The following LNPK variants were observed in gnomAD, a reference collection of about 807,000 sequenced individuals.
LNPK encodes the protein lunapark, ER junction formation factor, also known as endoplasmic reticulum junction formation protein lunapark.
Under a neutral mutation model 55.2 loss-of-function variants are expected in LNPK, and 29 were observed. The ratio of observed to expected loss-of-function variants is 0.53; its 90% CI spans 0.39 to 0.72. The LOEUF (loss-of-function observed/expected upper bound fraction) is 0.72. LNPK is among the 30% of genes least tolerant of loss of function. The probability of loss-of-function intolerance (pLI) is 0.00; values close to 1 mark genes in which losing one functional copy is unlikely to be tolerated. For missense variants in LNPK, 467 were observed against 494.8 expected, an observed-to-expected ratio of 0.94 and a Z score of 0.53; for synonymous variants, 162 against 168.2, an observed-to-expected ratio of 0.96 and a Z score of 0.29.
At chr2:175,987,514 G>C (rs1687482673) in intron 4 of LNPK, among the ~76,000 whole-genome samples, 1 of 152,020 alleles carries the variant, frequency 6.6e-6, no homozygotes, top group Admixed American at 6.6e-5. Flanking sequence ...CACACACCAG[G>C]GCCTGTTGTG....
rs899877025 is a variant in LNPK at position 175,979,175 on chromosome 2, T to C, written c.316+635A>G. On this transcript the variant is annotated intron_variant, in intron 5 of 12. Transcript: ENST00000272748. ...AAAATAATATACGGGGTGAAAAAAA[T>C]GGGTTGAGGTAAAAATGAAACAAGA... Among the ~76,000 whole-genome samples, 11 of 151,582 alleles carry C rather than the reference T, an allele frequency of 7.3e-5. No homozygotes were observed. The South Asian group carries it at 8.3e-4, about 11-fold the overall frequency.
intron 8 of LNPK, among the ~76,000 whole-genome samples, chr2:175,960,213 T>G (rs576392233): frequency 6.6e-6 from 1 of 152,276 alleles, no homozygotes; most frequent in African/African-American, 2.4e-5. Flanking sequence ...GCTGCCTTAA[T>G]AGGGATCTAC....
chr2:175,998,018 T>C (rs933389257), intron 1 of LNPK, among the ~76,000 whole-genome samples: 7 of 152,066 alleles, frequency 4.6e-5, no homozygotes, highest in South Asian at 2.1e-4. Context: ...CTGGGGATTA[T>C]AGGCATGAGG....
intron 9 of LNPK, among the ~76,000 whole-genome samples, chr2:175,942,006 T>A (rs1254978191): frequency 6.6e-6 from 1 of 152,032 alleles, no homozygotes; most frequent in Non-Finnish European, 1.5e-5. Flanking sequence ...ACATCTTTTT[T>A]AAATGAAGAC....
intron 9 of LNPK, among the ~76,000 whole-genome samples, chr2:175,947,052 A>C (rs1264920329): frequency 2.6e-5 from 4 of 152,194 alleles, no homozygotes; most frequent in Non-Finnish European, 5.9e-5. Flanking sequence ...AAAAGTATAC[A>C]ATACAGGAGT....
Position 175,994,539 on chromosome 2 carries a change from T to C in LNPK, c.27+1019A>G, listed in dbSNP as rs1055856922. Among the ~76,000 whole-genome samples, 5 of 152,352 alleles carry C rather than the reference T, an allele frequency of 3.3e-5. No homozygotes were observed. The South Asian group carries it at 1.0e-3, about 32-fold the overall frequency. On this transcript the variant is annotated intron_variant, in intron 2 of 12. Transcript: ENST00000272748. ...TTTATATAATTTTTTTTTCTTTTTC[T>C]TGAGACAGAGTCTAGCTCTGTCGCC...
At chr2:175,961,130 A>ATTC (rs1686008186) in intron 8 of LNPK, among the ~76,000 whole-genome samples, 1 of 152,236 alleles carries the variant, frequency 6.6e-6, no homozygotes, top group African/African-American at 2.4e-5. Flanking sequence ...CAGAGGTACA[A>ATTC]AGAGAAGCTG....
intron 5 of LNPK, among the ~76,000 whole-genome samples, chr2:175,972,212 G>A (rs945056099): frequency 6.6e-6 from 1 of 152,106 alleles, no homozygotes; most frequent in African/African-American, 2.4e-5. Flanking sequence ...ACTGAGCCCA[G>A]CCTAAGAAAT....
intron 8 of LNPK, among the ~76,000 whole-genome samples, chr2:175,960,179 G>A (rs962090424): frequency 2.0e-5 from 3 of 152,066 alleles, no homozygotes; most frequent in Non-Finnish European, 2.9e-5. Context: ...GGATATCCAC[G>A]ACTTGAACTC....
chr2:175,939,656 A>C lies in LNPK; in HGVS notation c.708T>G (p.Gly236=). Reference sequence around the variant, plus strand: ...CTAAAGGTGGACCTGGAGGATGAAGACCTATTAAATAAATAAATACATACA... The same window carrying C: ...CTAAAGGTGGACCTGGAGGATGAAGCCCTATTAAATAAATAAATACATACA... ...GSPATSVPGM[G]LHPPGPPLAR... The change falls in exon 10 of 13, where the codon GGT becomes GGG. Residue 236 remains glycine, a splice_region_variant and synonymous_variant. Transcript: ENST00000272748. 1 of 1,481,440 alleles carries C rather than the reference A, an allele frequency of 6.8e-7. No individual in the cohort carries two copies. The highest frequency in any genetic ancestry group is 9.3e-7 in the Non-Finnish European group (1 of 1,074,216). 91.8% of individuals were successfully genotyped at this position (1,481,440 alleles called of 1,614,324 possible).
At chr2:175,963,708 AAATT>A (rs1046514149) in intron 8 of LNPK, among the ~76,000 whole-genome samples, 29 of 151,860 alleles carry the variant, frequency 1.9e-4, no homozygotes, top group African/African-American at 5.3e-4. Flanking sequence ...TATAATAAAT[AAATT>A]AATTAATTAA....
At chr2:175,946,611 TTTA>T (rs1685133647) in intron 9 of LNPK, among the ~76,000 whole-genome samples, 1 of 152,162 alleles carries the variant, frequency 6.6e-6, no homozygotes, top group Non-Finnish European at 1.5e-5. Context: ...ATTTCCATTT[TTTA>T]TTGATTTTAC....
rs979715033 is a variant in LNPK, at chr2:175,929,620, A to G, written c.*347T>C. 6.8e-6 allele frequency: 7 copies of G among 1,028,732 alleles called. No homozygotes were observed. In the African/African-American group the frequency reaches 1.2e-4, roughly 18 times the overall value. The allele number at this position is 1,028,732 out of a possible 1,614,324, so 63.7% of individuals were successfully genotyped here. Reference sequence around the variant, plus strand: ...ACAATTAGAGAACTTACTCTTAACCAAAGTTCTTCCTATGTCAAAATGGAT... The same window carrying G: ...ACAATTAGAGAACTTACTCTTAACCGAAGTTCTTCCTATGTCAAAATGGAT... On this transcript the variant is annotated 3_prime_UTR_variant, in exon 13 of 13. Transcript: ENST00000272748.
At chr2:175,937,637 T>G in intron 11 of LNPK, 123 bp from the exon 12 acceptor site, 2 of 633,406 alleles carry the variant, frequency 3.2e-6, no homozygotes, top group Non-Finnish European at 5.3e-6. Context: ...TTACTGTGTA[T>G]GTTATTTAAA....
chr2:175,928,423 C>T lies in LNPK; in HGVS notation c.*1544G>A, dbSNP rs185124954. Reference sequence around the variant, plus strand: ...TTTATAGGTGACTTGCCCAAGACTACAGACCTGAAATTTAAGCCCAATACG... The same window carrying T: ...TTTATAGGTGACTTGCCCAAGACTATAGACCTGAAATTTAAGCCCAATACG... On this transcript the variant is annotated 3_prime_UTR_variant, in exon 13 of 13. Transcript: ENST00000272748. The T allele has an allele frequency of 1.4e-5, 2 of 147,024 alleles. No homozygotes were observed. Among genetic ancestry groups the T allele is most frequent in the Admixed American group, 7.0e-5 (1 of 14,288 alleles). 9.1% of individuals were successfully genotyped at this position (147,024 alleles called of 1,614,324 possible).
At chr2:175,963,464 C>A (rs1278040297) in intron 8 of LNPK, among the ~76,000 whole-genome samples, 3 of 151,866 alleles carry the variant, frequency 2.0e-5, no homozygotes, top group African/African-American at 7.3e-5. Flanking sequence ...AACAAAAAAC[C>A]AAACACTGCA....
At chr2:175,941,884 A>G (rs1684868439) in intron 9 of LNPK, among the ~76,000 whole-genome samples, 1 of 151,458 alleles carries the variant, frequency 6.6e-6, no homozygotes, top group South Asian at 2.1e-4. Context: ...AGAGAAAAAG[A>G]TAAGAATGAC....
intron 12 of LNPK, among the ~76,000 whole-genome samples, chr2:175,937,132 G>A (rs911731664): frequency 1.3e-5 from 2 of 152,100 alleles, no homozygotes; most frequent in African/African-American, 4.8e-5. Flanking sequence ...ACTAGCTGAT[G>A]TTAGATGTTG....
In LNPK at chr2:175,929,820, G is replaced by A. The variant is rs1684175304; in HGVS notation, c.*147C>T. 2.1e-6 allele frequency: 3 copies of A among 1,453,896 alleles called. No individual in the cohort carries two copies. The highest frequency in any genetic ancestry group is 5.6e-5 in the Admixed American group (2 of 35,804). The allele number at this position is 1,453,896 out of a possible 1,614,324, so 90.1% of individuals were successfully genotyped here. On this transcript the variant is annotated 3_prime_UTR_variant, in exon 13 of 13. Coordinates refer to ENST00000272748, the MANE Select transcript of LNPK (RefSeq NM_030650.3). ...TTTAATACCCAGTATATATAACTTTGAGATGTTCAAATAGCTAGGCAATCT... is the reference window on the plus strand; with the variant it reads ...TTTAATACCCAGTATATATAACTTTAAGATGTTCAAATAGCTAGGCAATCT...
Sources: gnomAD v4.1 joint callset for allele counts (sites outside exome capture counted in the v4.1 genomes callset) on GRCh38, gnomAD v4.1.1 for gene constraint, MANE v1.5 for transcripts, NCBI Gene and HGNC (gene_info 2026-07-23, HGNC 2026-07-21) for gene names.